TNFAIP8: variants seen among roughly 807,000 people sequenced by gnomAD.
TNFAIP8 encodes the protein TNF alpha induced protein 8.
TNFAIP8 carries 7 observed loss-of-function variants against 13.3 expected under a neutral mutation model. The ratio of observed to expected loss-of-function variants is 0.52; its 90% CI spans 0.30 to 0.99. The LOEUF (loss-of-function observed/expected upper bound fraction) is 0.99. Ranked by LOEUF, TNFAIP8 falls within the 50% of genes least tolerant of loss-of-function variation. TNFAIP8 has a pLI of 0.07. For missense variants in TNFAIP8, 258 were observed against 236.9 expected, an observed-to-expected ratio of 1.09 and a Z score of -0.58; for synonymous variants, 94 against 87.6, an observed-to-expected ratio of 1.07 and a Z score of -0.41.
chr5:119,376,570 C>G (rs1483635026), intron 1 of TNFAIP8, among the ~76,000 whole-genome samples: 1 of 150,652 alleles, frequency 6.6e-6, no homozygotes, highest in Admixed American at 6.6e-5. Flanking sequence ...CCACCCCCCC[C>G]GTCTTTCTGC....
chr5:119,391,322 C>G (rs1216535000), intron 1 of TNFAIP8: 3 of 698,884 alleles, frequency 4.3e-6, no homozygotes, highest in Admixed American at 2.0e-5. Flanking sequence ...TATTTTTAAA[C>G]TTTTTATCTT....
At chr5:119,368,839 A>C (rs73241213) in intron 1 of TNFAIP8, among the ~76,000 whole-genome samples, 1,965 of 152,152 alleles carry the variant, frequency 0.013, 38 homozygotes, top group African/African-American at 0.045. Flanking sequence ...TGTGACCCTG[A>C]GGTGCTTGTG....
intron 1 of TNFAIP8, among the ~76,000 whole-genome samples, chr5:119,274,802 A>G (rs1267489113): frequency 6.6e-6 from 1 of 152,224 alleles, no homozygotes; most frequent in Non-Finnish European, 1.5e-5. Context: ...AAAGTGATAC[A>G]CCAAATGAAA....
At chr5:119,281,169 A>G (rs1748613670) in intron 1 of TNFAIP8, among the ~76,000 whole-genome samples, 1 of 151,892 alleles carries the variant, frequency 6.6e-6, no homozygotes, top group African/African-American at 2.4e-5. Flanking sequence ...AACCCTGGTT[A>G]TTTTTTAGCG....
chr5:119,327,218 T>G (rs1233749308), intron 1 of TNFAIP8, among the ~76,000 whole-genome samples: 1 of 152,178 alleles, frequency 6.6e-6, no homozygotes, highest in Admixed American at 6.5e-5. Flanking sequence ...GTAAATTTCT[T>G]CATTTTGTTA....
intron 1 of TNFAIP8, among the ~76,000 whole-genome samples, chr5:119,363,627 G>C (rs922036452): frequency 2.6e-5 from 4 of 152,208 alleles, no homozygotes; most frequent in Non-Finnish European, 2.9e-5. Context: ...AAAGTAACTG[G>C]TTTCCTATAC....
At chr5:119,383,685 A>C (rs1029896100) in intron 1 of TNFAIP8, among the ~76,000 whole-genome samples, 1 of 152,216 alleles carries the variant, frequency 6.6e-6, no homozygotes, top group African/African-American at 2.4e-5. Flanking sequence ...GAGAAAAAAA[A>C]CAAATCTAAG....
At chr5:119,392,705 A>G (rs1752937292) in intron 1 of TNFAIP8, 111 bp from the exon 2 acceptor site, 3 of 1,272,660 alleles carry the variant, frequency 2.4e-6, no homozygotes, top group Middle Eastern at 2.6e-4. Flanking sequence ...ACAAACCACA[A>G]ATGGTGGGAA....
chr5:119,314,966 C>T (rs1365302601), intron 1 of TNFAIP8, among the ~76,000 whole-genome samples: 1 of 152,206 alleles, frequency 6.6e-6, no homozygotes, highest in Non-Finnish European at 1.5e-5. Flanking sequence ...ACTGCAGCCT[C>T]CACCTCCCGG....
At chr5:119,297,309 T>G (rs1021140370) in intron 1 of TNFAIP8, among the ~76,000 whole-genome samples, 1 of 152,202 alleles carries the variant, frequency 6.6e-6, no homozygotes, top group Non-Finnish European at 1.5e-5. Flanking sequence ...TGTTGTGTCT[T>G]TGTTCTCGTT....
At chr5:119,272,362 C>T (rs1387393810) in intron 1 of TNFAIP8, among the ~76,000 whole-genome samples, 3 of 152,154 alleles carry the variant, frequency 2.0e-5, no homozygotes, top group Non-Finnish European at 4.4e-5. Flanking sequence ...TACATGAAAT[C>T]CTTGGGATTT....
chr5:119,268,914 G>T, intron 1 of TNFAIP8: 1 of 699,684 alleles, frequency 1.4e-6, no homozygotes, highest in Non-Finnish European at 2.6e-6. Flanking sequence ...CCGAGTAAGT[G>T]GCTCCTGGGC....
At chr5:119,272,938 G>T (rs1389711042) in intron 1 of TNFAIP8, among the ~76,000 whole-genome samples, 1 of 152,198 alleles carries the variant, frequency 6.6e-6, no homozygotes, top group African/African-American at 2.4e-5. Context: ...GTGGTCACAG[G>T]ATTGAGACTC....
Position 119,280,138 on chromosome 5 carries a change from C to T in TNFAIP8, c.1+11231C>T, listed in dbSNP as rs554066925. Among the ~76,000 whole-genome samples the T allele has an allele frequency of 1.4e-4, 22 of 152,274 alleles. No homozygotes were observed. In the South Asian group the frequency reaches 4.3e-3, roughly 30 times the overall value. ...TTACAAAGCAAACACCCATATATAT[C>T]ACTAGCATTTAGGTCAAGAAATAGA... On this transcript the variant is annotated intron_variant, in intron 1 of 1. Coordinates refer to the TNFAIP8 transcript ENST00000274456.
intron 1 of TNFAIP8, among the ~76,000 whole-genome samples, chr5:119,361,184 G>C (rs1175724727): frequency 1.3e-5 from 2 of 152,184 alleles, no homozygotes; most frequent in African/African-American, 4.8e-5. Context: ...GTGCACTCTG[G>C]GAGTCAGGAC....
At chr5:119,277,092 T>C (rs1417701494) in intron 1 of TNFAIP8, among the ~76,000 whole-genome samples, 1 of 152,200 alleles carries the variant, frequency 6.6e-6, no homozygotes. Flanking sequence ...AAAATGATCT[T>C]TCTGTCTTCA....
chr5:119,293,079 T>G (rs746083462), intron 1 of TNFAIP8, among the ~76,000 whole-genome samples: 2 of 150,138 alleles, frequency 1.3e-5, no homozygotes, highest in African/African-American at 2.5e-5. Context: ...TTTACTTTAA[T>G]TGACAACTAA....
intron 1 of TNFAIP8, among the ~76,000 whole-genome samples, chr5:119,314,056 C>CA (rs1229530001): frequency 3.3e-5 from 5 of 152,180 alleles, no homozygotes; most frequent in Admixed American, 6.5e-5. Context: ...TGACCTGTGT[C>CA]ATGACACATG....
intron 1 of TNFAIP8, among the ~76,000 whole-genome samples, chr5:119,310,358 G>A (rs2112669153): frequency 6.6e-6 from 1 of 152,048 alleles, no homozygotes; most frequent in Non-Finnish European, 1.5e-5. Flanking sequence ...ACTTCTCCTA[G>A]GACAGTTACC....
Sources: gnomAD v4.1 joint callset for allele counts (sites outside exome capture counted in the v4.1 genomes callset) on GRCh38, gnomAD v4.1.1 for gene constraint, MANE v1.5 for transcripts, NCBI Gene and HGNC (gene_info 2026-07-23, HGNC 2026-07-21) for gene names.